The following GPATCH2 variants were observed in gnomAD, a reference collection of about 807,000 sequenced individuals.
GPATCH2 encodes G-patch domain containing 2.
A neutral mutation model predicts 58.0 loss-of-function variants in GPATCH2; 51 were observed. That is an observed-to-expected ratio of 0.88 (90% CI 0.70 to 1.11). GPATCH2 has a LOEUF of 1.11. GPATCH2 is among the 50% of genes most tolerant of loss of function. GPATCH2 has a pLI of 0.00. For synonymous variants in GPATCH2, 222 were observed against 218.5 expected (o/e 1.02, Z -0.14); for missense variants, 625 against 652.2 (o/e 0.96, Z 0.45).
chr1:217,481,331 T>C (rs1363433390), intron 8 of GPATCH2, among the ~76,000 whole-genome samples: 1 of 152,094 alleles, frequency 6.6e-6, no homozygotes, highest in Non-Finnish European at 1.5e-5. Context: ...AAAAAGTCAA[T>C]AGGCAATATT....
chr1:217,439,183 C>T (rs1324444094), intron 9 of GPATCH2, among the ~76,000 whole-genome samples: 1 of 152,192 alleles, frequency 6.6e-6, no homozygotes, highest in East Asian at 1.9e-4. Flanking sequence ...GACCACAGTG[C>T]AATCAGACTA....
At chr1:217,611,766 GAA>G (rs955502797) in intron 3 of GPATCH2, among the ~76,000 whole-genome samples, 14 of 152,242 alleles carry the variant, frequency 9.2e-5, no homozygotes, top group African/African-American at 3.1e-4. Context: ...GATTTTAAAT[GAA>G]AAGTGACAAT....
intron 3 of GPATCH2, 69 bp downstream of exon 3, chr1:217,614,072 A>C: frequency 1.2e-6 from 1 of 849,778 alleles, no homozygotes; most frequent in Non-Finnish European, 2.0e-6. Context: ...TTATGAAATA[A>C]CCAGTAATAA....
intron 2 of GPATCH2, among the ~76,000 whole-genome samples, chr1:217,617,203 C>T (rs1668927500): frequency 6.6e-6 from 1 of 152,182 alleles, no homozygotes; most frequent in Admixed American, 6.5e-5. Flanking sequence ...TCTGATCCCA[C>T]TTTATTGCCG....
intron 8 of GPATCH2, among the ~76,000 whole-genome samples, chr1:217,486,342 C>A (rs1409585588): frequency 6.6e-6 from 1 of 152,136 alleles, no homozygotes; most frequent in Non-Finnish European, 1.5e-5. Flanking sequence ...CTATTGGAAT[C>A]TGTAATCCAA....
intron 5 of GPATCH2, among the ~76,000 whole-genome samples, chr1:217,607,415 C>T (rs962332184): frequency 2.0e-5 from 3 of 151,930 alleles, no homozygotes; most frequent in Non-Finnish European, 4.4e-5. Flanking sequence ...TTTTAAATAG[C>T]CCCTTGTATA....
chr1:217,520,298 T>C (rs941132844), intron 5 of GPATCH2, among the ~76,000 whole-genome samples: 1 of 152,226 alleles, frequency 6.6e-6, no homozygotes, highest in South Asian at 2.1e-4. Context: ...GATCCATTCC[T>C]GAGGACAACT....
intron 5 of GPATCH2, among the ~76,000 whole-genome samples, chr1:217,574,814 T>C (rs1666732548): frequency 6.6e-6 from 1 of 152,208 alleles, no homozygotes; most frequent in East Asian, 1.9e-4. Flanking sequence ...TCCTGGTCTT[T>C]TTGGCTCCAA....
Position 217,450,758 on chromosome 1 carries a change from C to T in GPATCH2, c.1278-1421G>A, listed in dbSNP as rs1046284903. On this transcript the variant is annotated intron_variant, in intron 8 of 9. Coordinates refer to ENST00000366935, the MANE Select transcript of GPATCH2 (RefSeq NM_018040.5). Reference sequence around the variant, plus strand: ...AGTTCATTAACATGCATGACTATAACATTTTTATTGGATTTTGAGGTATGG... The same window carrying T: ...AGTTCATTAACATGCATGACTATAATATTTTTATTGGATTTTGAGGTATGG... 1.3e-5 allele frequency among the ~76,000 whole-genome samples: 2 copies of T among 152,060 alleles called. 1 individual carries two copies. The highest frequency in any genetic ancestry group is 4.1e-4 in the South Asian group (2 of 4,828).
intron 5 of GPATCH2, among the ~76,000 whole-genome samples, chr1:217,569,632 T>C (rs1571936748): frequency 6.6e-6 from 1 of 151,824 alleles, no homozygotes; most frequent in Non-Finnish European, 1.5e-5. Flanking sequence ...GAGATGGAGG[T>C]TGCAGTGAGC....
rs547953633 is a variant in GPATCH2 at position 217,524,233 on chromosome 1, A to G, written c.1099-9344T>C. Among the ~76,000 whole-genome samples the G allele has an allele frequency of 4.4e-4, 27 of 61,676 alleles. No individual in the cohort carries two copies. In the East Asian group the frequency reaches 0.011, roughly 25 times the overall value. The allele number at this position is 61,676 out of a possible 152,430, so 40.5% of individuals were successfully genotyped here. A position where few individuals can be genotyped will look rare whatever the true frequency, so the allele number is the denominator to read the frequency against. On this transcript the variant is annotated intron_variant, in intron 5 of 9. Coordinates refer to ENST00000366935, the MANE Select transcript of GPATCH2 (RefSeq NM_018040.5). ...TCACTTCTCAGACAGGGCGGTTGCCAGGCAGAGGGTCTCCTCACTTCTCAG... is the reference window on the plus strand; with the variant it reads ...TCACTTCTCAGACAGGGCGGTTGCCGGGCAGAGGGTCTCCTCACTTCTCAG...
intron 5 of GPATCH2, among the ~76,000 whole-genome samples, chr1:217,519,736 G>C (rs897441724): frequency 1.1e-4 from 16 of 152,164 alleles, no homozygotes; most frequent in Non-Finnish European, 1.8e-4. Flanking sequence ...TTGCCAATGT[G>C]ATCTAGCACC....
intron 8 of GPATCH2, among the ~76,000 whole-genome samples, chr1:217,490,775 C>T (rs1661689323): frequency 6.6e-6 from 1 of 152,162 alleles, no homozygotes; most frequent in African/African-American, 2.4e-5. Context: ...ATCTGGCAAT[C>T]TTAGGAGAAA....
intron 5 of GPATCH2, among the ~76,000 whole-genome samples, chr1:217,594,950 G>A (rs1667755641): frequency 6.6e-6 from 1 of 152,126 alleles, no homozygotes; most frequent in African/African-American, 2.4e-5. Context: ...GCACCTTTAA[G>A]GAGCATGCCA....
chr1:217,506,337 TG>T (rs1477669499), intron 6 of GPATCH2, among the ~76,000 whole-genome samples: 2 of 152,136 alleles, frequency 1.3e-5, no homozygotes, highest in Non-Finnish European at 2.9e-5. Flanking sequence ...TGAAGAGACT[TG>T]CAAGTATGAA....
At chr1:217,484,300 A>G (rs188584540) in intron 8 of GPATCH2, among the ~76,000 whole-genome samples, 9 of 152,162 alleles carry the variant, frequency 5.9e-5, no homozygotes, top group Admixed American at 5.2e-4. Context: ...CTACCTGACT[A>G]CTCAGGTTGA....
At chr1:217,514,374 G>C (rs1281296191) in intron 6 of GPATCH2, among the ~76,000 whole-genome samples, 1 of 151,696 alleles carries the variant, frequency 6.6e-6, no homozygotes, top group South Asian at 2.1e-4. Flanking sequence ...GGCCAGGCTG[G>C]TCTCAAACTC....
chr1:217,584,158 A>G (rs1667208829), intron 5 of GPATCH2, among the ~76,000 whole-genome samples: 1 of 151,586 alleles, frequency 6.6e-6, no homozygotes, highest in Admixed American at 6.6e-5. Context: ...AAACTAAAAG[A>G]CTGGAAATCA....
At chr1:217,471,751 A>T (rs1229860055) in intron 8 of GPATCH2, among the ~76,000 whole-genome samples, 1 of 152,084 alleles carries the variant, frequency 6.6e-6, no homozygotes, top group African/African-American at 2.4e-5. Flanking sequence ...AGTGCTAATC[A>T]GGCAAAATGA....
Sources: allele counts gnomAD v4.1 joint callset (sites outside exome capture counted in the v4.1 genomes callset), GRCh38; gene constraint gnomAD v4.1.1; transcripts MANE v1.5; gene names NCBI Gene and HGNC (gene_info 2026-07-23, HGNC 2026-07-21).